SMYD3: variants seen among roughly 807,000 people sequenced by gnomAD.
The protein encoded by SMYD3 is histone-lysine N-methyltransferase SMYD3.
A neutral mutation model predicts 57.7 loss-of-function variants in SMYD3; 36 were observed. That is an observed-to-expected ratio of 0.62 (90% CI 0.48 to 0.82). The LOEUF (loss-of-function observed/expected upper bound fraction) is 0.82, where lower values mean the gene tolerates loss of function less well. SMYD3 is among the 40% of genes least tolerant of loss of function. The probability of loss-of-function intolerance (pLI) is 0.00; values close to 1 mark genes in which losing one functional copy is unlikely to be tolerated. For synonymous variants in SMYD3, 211 were observed against 195.0 expected (o/e 1.08, Z -0.68); for missense variants, 515 against 538.8 (o/e 0.96, Z 0.44).
At chr1:246,087,347 T>C (rs1032082999) in intron 5 of SMYD3, among the ~76,000 whole-genome samples, 3 of 152,228 alleles carry the variant, frequency 2.0e-5, no homozygotes, top group African/African-American at 4.8e-5. Flanking sequence ...GCCAAGACCG[T>C]TGACTTCCTT....
chr1:245,766,390 G>C (rs2046100898), intron 10 of SMYD3, among the ~76,000 whole-genome samples: 1 of 126,926 alleles, frequency 7.9e-6, no homozygotes, highest in South Asian at 2.9e-4. Context: ...ACAAGAGCGA[G>C]ACTCTGTCTT....
At position 245,880,022 on chromosome 1, in the gene SMYD3, A is replaced by G. The variant is rs35306697; in HGVS notation, c.814-16136T>C. The stretch of plus-strand genomic sequence containing the variant: ...ATAGCACAGGTGCGTTGCTGTACAC[A>G]CCAGAGATAGCACAGGTGCGTTGCT... On this transcript the variant is annotated intron_variant, in intron 8 of 11. Transcript: ENST00000490107. Among the ~76,000 whole-genome samples the G allele has an allele frequency of 8.5e-3, 1,019 of 120,554 alleles. 3 individuals carry two copies. Among genetic ancestry groups the G allele is most frequent in the South Asian group, 0.027 (70 of 2,610 alleles). The allele number at this position is 120,554 out of a possible 152,430, so 79.1% of individuals were successfully genotyped here.
chr1:245,839,703 T>C (rs1007407762), intron 10 of SMYD3, among the ~76,000 whole-genome samples: 2 of 151,996 alleles, frequency 1.3e-5, no homozygotes, highest in Admixed American at 6.6e-5. Context: ...ATATGAATGA[T>C]AGCTCAATAA....
rs1470323430 is a variant in SMYD3, at chr1:246,419,645, T to G, written c.165-64551A>C. On this transcript the variant is annotated intron_variant, in intron 1 of 11. Coordinates refer to ENST00000490107, the MANE Select transcript of SMYD3 (RefSeq NM_001167740.2). ...TCCTCATCATTTAAAGGGACCACAC[T>G]CTTCCCTTCCCAGCACTCCCGTATC... 1.2e-4 allele frequency among the ~76,000 whole-genome samples: 18 copies of G among 152,262 alleles called. 1 individual carries two copies. The South Asian group carries it at 3.5e-3, about 30-fold the overall frequency.
At chr1:246,310,249 G>C (rs922233129) in intron 5 of SMYD3, among the ~76,000 whole-genome samples, 1 of 152,166 alleles carries the variant, frequency 6.6e-6, no homozygotes, top group East Asian at 1.9e-4. Context: ...AGAGAAATCG[G>C]AGGCAAGTCT....
chr1:246,057,762 G>A (rs1450373214), intron 5 of SMYD3, among the ~76,000 whole-genome samples: 1 of 152,144 alleles, frequency 6.6e-6, no homozygotes, highest in Non-Finnish European at 1.5e-5. Flanking sequence ...TTTACCCAAA[G>A]GAGTTAAAAA....
intron 5 of SMYD3, among the ~76,000 whole-genome samples, chr1:246,213,768 C>T (rs553606069): frequency 2.6e-5 from 4 of 152,296 alleles, no homozygotes; most frequent in African/African-American, 7.2e-5. Flanking sequence ...TAATGGCCAT[C>T]GGCCATTGAG....
intron 5 of SMYD3, among the ~76,000 whole-genome samples, chr1:246,276,135 T>A (rs1474524271): frequency 8.0e-6 from 1 of 124,666 alleles, no homozygotes; most frequent in Non-Finnish European, 1.7e-5. Context: ...ACTGGCAGGT[T>A]ATTTAATGTC....
rs372587032 is a variant in SMYD3 at position 246,304,482 on chromosome 1, C to CTGAA, written c.531+22715_531+22718dup. On this transcript the variant is annotated intron_variant, in intron 5 of 11. Coordinates refer to ENST00000490107, the MANE Select transcript of SMYD3 (RefSeq NM_001167740.2). ...CTGAACATTAGTAAATGACCAGCAACTGAAAATATGATAAAAATAGACTTC... is the reference window on the plus strand; with the variant it reads ...CTGAACATTAGTAAATGACCAGCAACTGAATGAAAATATGATAAAAATAGACTTC... Among the ~76,000 whole-genome samples the CTGAA allele has an allele frequency of 2.0e-3, 302 of 151,980 alleles. 2 individuals are homozygous for CTGAA. The highest frequency in any genetic ancestry group is 6.9e-3 in the African/African-American group (288 of 41,450).
chr1:246,002,803 G>A (rs1038403037), intron 5 of SMYD3, among the ~76,000 whole-genome samples: 4 of 152,032 alleles, frequency 2.6e-5, no homozygotes, highest in African/African-American at 9.7e-5. Flanking sequence ...AGCCTAGAGT[G>A]CAGTGGTGCA....
intron 5 of SMYD3, among the ~76,000 whole-genome samples, chr1:246,208,334 G>A (rs147331404): frequency 2.2e-4 from 34 of 152,216 alleles, no homozygotes; most frequent in African/African-American, 8.2e-4. Flanking sequence ...TGATATGACT[G>A]TAAAATGTAT....
At chr1:246,268,101 A>C (rs1232544796) in intron 5 of SMYD3, among the ~76,000 whole-genome samples, 1 of 152,190 alleles carries the variant, frequency 6.6e-6, no homozygotes, top group Non-Finnish European at 1.5e-5. Context: ...GAGCTGGGTA[A>C]AATGAAGCTG....
chr1:246,212,703 G>T (rs937808558), intron 5 of SMYD3, among the ~76,000 whole-genome samples: 5 of 152,112 alleles, frequency 3.3e-5, no homozygotes, highest in African/African-American at 1.2e-4. Context: ...CAAGTTGAAT[G>T]ATAGTACTCT....
intron 1 of SMYD3, among the ~76,000 whole-genome samples, chr1:246,425,491 C>A (rs192939594): frequency 6.6e-6 from 1 of 152,148 alleles, no homozygotes; most frequent in African/African-American, 2.4e-5. Flanking sequence ...TAAGCCACAG[C>A]CACTCTCTGC....
At chr1:246,481,730 G>A (rs941594732) in intron 1 of SMYD3, among the ~76,000 whole-genome samples, 4 of 147,092 alleles carry the variant, frequency 2.7e-5, no homozygotes, top group African/African-American at 1.0e-4. Context: ...GAACTGATAT[G>A]AGTATATATA....
chr1:246,174,610 C>G (rs2062402841), intron 5 of SMYD3, among the ~76,000 whole-genome samples: 2 of 152,146 alleles, frequency 1.3e-5, no homozygotes, highest in South Asian at 4.2e-4. Context: ...CCACGCCTGA[C>G]TAATTTTTGT....
intron 1 of SMYD3, among the ~76,000 whole-genome samples, chr1:246,481,813 A>G (rs1240439568): frequency 6.6e-6 from 1 of 150,758 alleles, no homozygotes; most frequent in Admixed American, 6.7e-5. Flanking sequence ...CGATCGATCA[A>G]TACTCTACTG....
intron 5 of SMYD3, among the ~76,000 whole-genome samples, chr1:246,083,054 T>C (rs1194781916): frequency 1.3e-5 from 2 of 151,782 alleles, no homozygotes; most frequent in Non-Finnish European, 2.9e-5. Context: ...GTCTGAAATA[T>C]GGCCTCCTGG....
chr1:245,986,824 G>C (rs139448809), intron 5 of SMYD3, among the ~76,000 whole-genome samples: 209 of 152,340 alleles, frequency 1.4e-3, no homozygotes, highest in African/African-American at 4.7e-3. Context: ...GCTTCAAGTA[G>C]TTAAAATCGT....
Sources: gnomAD v4.1 joint callset for allele counts (sites outside exome capture counted in the v4.1 genomes callset) on GRCh38, gnomAD v4.1.1 for gene constraint, MANE v1.5 for transcripts, NCBI Gene and HGNC (gene_info 2026-07-23, HGNC 2026-07-21) for gene names.